PTPRT: variants seen among roughly 807,000 people sequenced by gnomAD.
PTPRT encodes the protein protein tyrosine phosphatase receptor type T.
A neutral mutation model predicts 176.8 loss-of-function variants in PTPRT; 56 were observed. The ratio of observed to expected loss-of-function variants is 0.32; its 90% CI spans 0.26 to 0.40. The LOEUF is 0.40. PTPRT is among the 10% of genes least tolerant of loss of function. The pLI is 1.00. For missense variants in PTPRT, 1,540 were observed against 1,908.2 expected (o/e 0.81, Z 3.60); for synonymous variants, 783 against 739.0 (o/e 1.06, Z -0.96).
At chr20:42,147,649 AGCAT>A (rs905772491) in intron 17 of PTPRT, among the ~76,000 whole-genome samples, 4 of 152,218 alleles carry the variant, frequency 2.6e-5, no homozygotes, top group Non-Finnish European at 5.9e-5. Flanking sequence ...GAGACACCCC[AGCAT>A]GCACCTATCC....
chr20:42,992,441 G>GCT (rs1983969450), intron 1 of PTPRT, among the ~76,000 whole-genome samples: 1 of 152,252 alleles, frequency 6.6e-6, no homozygotes, highest in Non-Finnish European at 1.5e-5. Flanking sequence ...TATTGGGCCA[G>GCT]TAAGCTGGCC....
intron 23 of PTPRT, among the ~76,000 whole-genome samples, chr20:42,109,828 G>GACTT (rs1171795883): frequency 6.6e-6 from 1 of 151,910 alleles, no homozygotes; most frequent in African/African-American, 2.4e-5. Context: ...CCTCCCTGGT[G>GACTT]ACTGACTTCT....
In PTPRT at chr20:42,448,369, A is replaced by G. The variant is rs1299878361; in HGVS notation, c.1451-40T>C. ...AGTTATGAACTTGATGTCACCTTCC[A>G]CATCATTTCTCCAGCCCCGCTGACC... On this transcript the variant is annotated intron_variant, in intron 8 of 30. Transcript: ENST00000373187. 4 of 1,464,010 alleles carry G rather than the reference A, an allele frequency of 2.7e-6. No homozygotes were observed. In the East Asian group the frequency reaches 9.1e-5, roughly 33 times the overall value. 90.7% of individuals were successfully genotyped at this position (1,464,010 alleles called of 1,614,324 possible). A position where few individuals can be genotyped will look rare whatever the true frequency, so the allele number is the denominator to read the frequency against.
chr20:42,575,788 T>C (rs542522235), intron 7 of PTPRT, among the ~76,000 whole-genome samples: 2 of 152,120 alleles, frequency 1.3e-5, no homozygotes, highest in African/African-American at 4.8e-5. Context: ...AAAGATCTCC[T>C]GAACCTGCCC....
At chr20:43,005,875 C>A (rs1984830200) in intron 1 of PTPRT, among the ~76,000 whole-genome samples, 1 of 152,170 alleles carries the variant, frequency 6.6e-6, no homozygotes, top group African/African-American at 2.4e-5. Flanking sequence ...TCCAAAGATG[C>A]TCGTTACAAC....
In PTPRT at chr20:43,152,221, A is replaced by T. The variant is rs77190424; in HGVS notation, c.88+37425T>A. 8.6e-3 allele frequency among the ~76,000 whole-genome samples: 1,302 copies of T among 152,276 alleles called. 21 individuals carry two copies. Among genetic ancestry groups the T allele is most frequent in the African/African-American group, 0.03 (1,252 of 41,570 alleles). ...TGAAAAGTTAGCCAAGAAAAAAAAA[A>T]TGGAAGGAAATATGCCAGAATATTA... is the stretch of plus-strand genomic sequence containing the variant. On this transcript the variant is annotated intron_variant, in intron 1 of 30. Coordinates refer to ENST00000373187, the MANE Select transcript of PTPRT (RefSeq NM_007050.6).
intron 2 of PTPRT, among the ~76,000 whole-genome samples, chr20:42,811,094 C>G (rs1190235978): frequency 6.6e-6 from 1 of 152,048 alleles, no homozygotes; most frequent in African/African-American, 2.4e-5. Flanking sequence ...TTTGCTTTCC[C>G]TTTTTATTTT....
chr20:42,050,151 C>G, the PTPRT span, among the ~76,000 whole-genome samples: 2 of 152,312 alleles, frequency 1.3e-5, no homozygotes, highest in East Asian at 3.9e-4. Flanking sequence ...TTTTTCATTG[C>G]TGGACTTAGC....
intron 1 of PTPRT, among the ~76,000 whole-genome samples, chr20:43,138,664 C>T (rs369076034): frequency 1.3e-5 from 2 of 152,136 alleles, no homozygotes; most frequent in Non-Finnish European, 2.9e-5. Flanking sequence ...TCACCTGTGA[C>T]GGGGTCACTC....
intron 16 of PTPRT, among the ~76,000 whole-genome samples, chr20:42,178,084 C>A (rs1010040361): frequency 1.3e-5 from 2 of 152,080 alleles, no homozygotes; most frequent in African/African-American, 2.4e-5. Flanking sequence ...ATAACAGGCA[C>A]CTGCCACCAC....
At chr20:42,602,671 TC>T (rs1424016528) in intron 7 of PTPRT, among the ~76,000 whole-genome samples, 1 of 152,026 alleles carries the variant, frequency 6.6e-6, no homozygotes, top group Non-Finnish European at 1.5e-5. Context: ...ACCACTATGT[TC>T]TTTTTTTCTC....
chr20:42,661,375 G>A (rs2075220508), intron 7 of PTPRT, among the ~76,000 whole-genome samples: 1 of 151,812 alleles, frequency 6.6e-6, no homozygotes, highest in Non-Finnish European at 1.5e-5. Context: ...TGACTAAAAG[G>A]GAATAGACAC....
chr20:43,080,339 C>T (rs1237003119), intron 1 of PTPRT, among the ~76,000 whole-genome samples: 1 of 152,230 alleles, frequency 6.6e-6, no homozygotes, highest in African/African-American at 2.4e-5. Context: ...CAACCTACAA[C>T]CAACATGCAA....
intron 28 of PTPRT, 128 bp from the exon 29 acceptor site, chr20:42,084,973 C>G (rs531420297): frequency 1.4e-6 from 1 of 702,588 alleles, no homozygotes; most frequent in African/African-American, 1.8e-5. Flanking sequence ...CATGTCCTCA[C>G]GGGGAGAGTC....
intron 12 of PTPRT, among the ~76,000 whole-genome samples, chr20:42,295,951 C>G (rs1473900690): frequency 6.6e-6 from 1 of 152,218 alleles, no homozygotes; most frequent in Non-Finnish European, 1.5e-5. Flanking sequence ...TCCGCCATGA[C>G]TGTAAGTTTC....
chr20:42,401,018 G>T (rs543456713), intron 9 of PTPRT, among the ~76,000 whole-genome samples: 52 of 152,022 alleles, frequency 3.4e-4, no homozygotes, highest in Admixed American at 6.6e-4. Context: ...TTCTGGCTTG[G>T]GGGTGTTGGG....
intron 9 of PTPRT, among the ~76,000 whole-genome samples, chr20:42,392,796 A>T (rs990064566): frequency 4.6e-5 from 7 of 152,202 alleles, no homozygotes; most frequent in African/African-American, 1.4e-4. Context: ...TGGTGCAGGG[A>T]AGAAAAGATT....
chr20:42,713,425 T>A (rs1413447515), intron 6 of PTPRT, among the ~76,000 whole-genome samples: 2 of 152,328 alleles, frequency 1.3e-5, no homozygotes, highest in Non-Finnish European at 2.9e-5. Flanking sequence ...ATCTTCCTCC[T>A]GGAGCCCACT....
intron 6 of PTPRT, among the ~76,000 whole-genome samples, chr20:42,704,772 G>A (rs1179775278): frequency 6.6e-6 from 1 of 152,140 alleles, no homozygotes; most frequent in African/African-American, 2.4e-5. Context: ...AAAGCTCTCT[G>A]AAGGAAAGGG....
Sources: allele counts gnomAD v4.1 joint callset (sites outside exome capture counted in the v4.1 genomes callset), GRCh38; gene constraint gnomAD v4.1.1; transcripts MANE v1.5; gene names NCBI Gene and HGNC (gene_info 2026-07-23, HGNC 2026-07-21).